The following MSI2 variants were observed in gnomAD, a reference collection of about 807,000 sequenced individuals.
MSI2 encodes RNA-binding protein Musashi homolog 2.
MSI2 carries 17 observed loss-of-function variants against 45.6 expected under a neutral mutation model. The observed-to-expected ratio is 0.37, with a 90% CI of 0.26 to 0.56. The LOEUF is 0.56. Ranked by LOEUF, MSI2 falls within the 20% of genes least tolerant of loss-of-function variation. The pLI, the probability that MSI2 is intolerant of heterozygous loss-of-function variation, is 0.77. For missense variants in MSI2, 293 were observed against 444.2 expected, an observed-to-expected ratio of 0.66 and a Z score of 3.06; for synonymous variants, 156 against 158.2, an observed-to-expected ratio of 0.99 and a Z score of 0.11.
At chr17:57,392,288 G>A (rs898089251) in intron 5 of MSI2, among the ~76,000 whole-genome samples, 6 of 152,188 alleles carry the variant, frequency 3.9e-5, no homozygotes, top group Non-Finnish European at 7.4e-5. Flanking sequence ...TTTCCCTAGG[G>A]TAAGAGGAAG....
chr17:57,280,180 C>T lies in MSI2; in HGVS notation c.312+17988C>T, dbSNP rs138678191. ...AGAGTGAGGAGGACAGGGGGACAGGCGAGGTCACACTTGCGTTGGCGGGGA... is the reference window on the plus strand; with the variant it reads ...AGAGTGAGGAGGACAGGGGGACAGGTGAGGTCACACTTGCGTTGGCGGGGA... On this transcript the variant is annotated intron_variant, in intron 5 of 13. Transcript: ENST00000284073. This position sits in a 1 kb window ranked among gnomAD's most constrained non-coding sequence, Gnocchi z 4.2. 4.9e-4 allele frequency among the ~76,000 whole-genome samples: 74 copies of T among 152,074 alleles called. No individual in the cohort carries two copies. The highest frequency in any genetic ancestry group is 3.1e-3 in the South Asian group (15 of 4,802).
In MSI2 at chr17:57,527,465, G is replaced by GT. The variant is rs918918895; in HGVS notation, c.406-2211_406-2210insT. Among the ~76,000 whole-genome samples the GT allele has an allele frequency of 7.3e-3, 101 of 13,920 alleles. No homozygotes were observed. In the South Asian group the frequency reaches 0.13, roughly 18 times the overall value. 9.1% of individuals were successfully genotyped at this position (13,920 alleles called of 152,430 possible). On this transcript the variant is annotated intron_variant, in intron 6 of 13. Transcript: ENST00000284073. Reference sequence around the variant, plus strand: ...TGTGTGGCCCCAGCAGGTTACCGTCGGCGGGGGCTCTTGAAGCCTGCCCAA... The same window carrying GT: ...TGTGTGGCCCCAGCAGGTTACCGTCGTGCGGGGGCTCTTGAAGCCTGCCCAA...
At chr17:57,442,277 T>C (rs2084814881) in intron 6 of MSI2, among the ~76,000 whole-genome samples, 1 of 152,084 alleles carries the variant, frequency 6.6e-6, no homozygotes. Flanking sequence ...CCTTGTGATC[T>C]GCCCGCCTCA....
At chr17:57,514,908 T>C (rs914615014) in intron 6 of MSI2, among the ~76,000 whole-genome samples, 4 of 152,036 alleles carry the variant, frequency 2.6e-5, no homozygotes, top group African/African-American at 9.7e-5. Flanking sequence ...GCACCATGGG[T>C]ACCCCACCCC....
chr17:57,356,571 C>T, intron 5 of MSI2, among the ~76,000 whole-genome samples: 1 of 152,238 alleles, frequency 6.6e-6, no homozygotes, highest in East Asian at 1.9e-4. Flanking sequence ...TCTGTAATGC[C>T]TTGGTTCCTA....
chr17:57,623,790 C>T (rs1598464910), intron 9 of MSI2, among the ~76,000 whole-genome samples: 2 of 152,222 alleles, frequency 1.3e-5, no homozygotes, highest in Non-Finnish European at 2.9e-5. Flanking sequence ...TGCAGCCAGC[C>T]AATTTCCCCC....
At chr17:57,257,202 A>G (rs1305836014) in intron 2 of MSI2, 64 bp downstream of exon 2, 1 of 700,932 alleles carries the variant, frequency 1.4e-6, no homozygotes, top group Non-Finnish European at 2.0e-6. Flanking sequence ...GCTCTTTGTT[A>G]TCCCGGTGTA....
intron 10 of MSI2, among the ~76,000 whole-genome samples, chr17:57,638,596 A>G (rs142062415): frequency 7.9e-5 from 12 of 152,298 alleles, no homozygotes; most frequent in African/African-American, 2.9e-4. Flanking sequence ...TTGCTTATAA[A>G]AAACATAAAT....
At position 57,680,788 on chromosome 17, in the gene MSI2, A is replaced by T; in HGVS notation, c.*1271A>T. ...TGGGGTGGGGGGGACATTCTTTTTC[A>T]GTCTTAATTTTTAAATATTTGATCA... On this transcript the variant is annotated 3_prime_UTR_variant, in exon 14 of 14. Transcript: ENST00000284073. 1 of 210,286 alleles carries T rather than the reference A, an allele frequency of 4.8e-6. No homozygotes were observed. Among genetic ancestry groups the T allele is most frequent in the Non-Finnish European group, 9.7e-6 (1 of 103,502 alleles). 13.0% of individuals were successfully genotyped at this position (210,286 alleles called of 1,614,324 possible).
At chr17:57,403,097 G>A (rs954238893) in intron 6 of MSI2, among the ~76,000 whole-genome samples, 2 of 152,176 alleles carry the variant, frequency 1.3e-5, no homozygotes, top group Admixed American at 1.3e-4. Context: ...GGTAGTGTTT[G>A]CAAACATGAA....
At chr17:57,663,778 G>A (rs939274937) in intron 11 of MSI2, among the ~76,000 whole-genome samples, 2 of 152,140 alleles carry the variant, frequency 1.3e-5, no homozygotes, top group Non-Finnish European at 2.9e-5. Flanking sequence ...AATGGAGGTA[G>A]CCCCCAAGAC....
At chr17:57,566,655 A>G (rs1210194931) in intron 7 of MSI2, among the ~76,000 whole-genome samples, 1 of 152,196 alleles carries the variant, frequency 6.6e-6, no homozygotes, top group Admixed American at 6.5e-5. Flanking sequence ...ACGTGGTTTT[A>G]TTCACTCAGT....
intron 5 of MSI2, among the ~76,000 whole-genome samples, chr17:57,352,252 T>C (rs923240780): frequency 4.6e-5 from 7 of 152,242 alleles, no homozygotes; most frequent in Non-Finnish European, 7.3e-5. Flanking sequence ...CACCAGTGTG[T>C]AAAGTCTTGG....
At chr17:57,639,048 G>A (rs961812553) in intron 10 of MSI2, among the ~76,000 whole-genome samples, 5 of 152,158 alleles carry the variant, frequency 3.3e-5, no homozygotes, top group Non-Finnish European at 7.3e-5. Context: ...CATGGTCAAA[G>A]AGGTGGCCAG....
intron 6 of MSI2, among the ~76,000 whole-genome samples, chr17:57,412,513 C>T (rs2084215934): frequency 6.6e-6 from 1 of 152,114 alleles, no homozygotes; most frequent in African/African-American, 2.4e-5. Flanking sequence ...AGGAGGAGTA[C>T]ATAGGTAGAA....
chr17:57,354,046 A>T (rs1916239326), intron 5 of MSI2, among the ~76,000 whole-genome samples: 2 of 152,234 alleles, frequency 1.3e-5, no homozygotes, highest in African/African-American at 4.8e-5. Flanking sequence ...AGTTTTTTAA[A>T]ATACACATTT....
At chr17:57,390,864 A>G (rs2083777337) in intron 5 of MSI2, among the ~76,000 whole-genome samples, 1 of 152,110 alleles carries the variant, frequency 6.6e-6, no homozygotes, top group Non-Finnish European at 1.5e-5. Context: ...GAGGGTCTGT[A>G]GTCTCGGCCA....
chr17:57,599,247 C>T (rs928946776), intron 8 of MSI2, among the ~76,000 whole-genome samples: 3 of 152,182 alleles, frequency 2.0e-5, no homozygotes, highest in Non-Finnish European at 4.4e-5. Flanking sequence ...GAAACAAACC[C>T]GAGACACAGA....
intron 7 of MSI2, among the ~76,000 whole-genome samples, chr17:57,573,361 A>G (rs1466993449): frequency 6.6e-6 from 1 of 152,164 alleles, no homozygotes; most frequent in African/African-American, 2.4e-5. Context: ...ATTATCACTC[A>G]TTAATAAACC....
Sources: allele counts gnomAD v4.1 joint callset (sites outside exome capture counted in the v4.1 genomes callset), GRCh38; gene constraint gnomAD v4.1.1; non-coding constraint Gnocchi (gnomAD v3.1); transcripts MANE v1.5; gene names NCBI Gene and HGNC (gene_info 2026-07-23, HGNC 2026-07-21).